The following KCNA6 variants were observed in gnomAD, a reference collection of about 807,000 sequenced individuals.
KCNA6 encodes the protein potassium voltage-gated channel subfamily A member 6.
A neutral mutation model predicts 29.5 loss-of-function variants in KCNA6; 17 were observed. The observed-to-expected ratio is 0.58, with a 90% CI of 0.39 to 0.86. The LOEUF is 0.86. Ranked by LOEUF, KCNA6 falls within the 40% of genes least tolerant of loss-of-function variation. KCNA6 has a pLI of 0.00. For synonymous variants in KCNA6, 296 were observed against 304.7 expected (o/e 0.97, Z 0.30); for missense variants, 450 against 703.4 (o/e 0.64, Z 4.07).
the KCNA6 span, among the ~76,000 whole-genome samples, chr12:4,823,735 C>T: frequency 6.6e-6 from 1 of 152,126 alleles, no homozygotes; most frequent in African/African-American, 2.4e-5. Context: ...CCACTGCACT[C>T]CTGCCTGGGC....
the KCNA6 span, among the ~76,000 whole-genome samples, chr12:4,824,405 G>C: frequency 0.21 from 31,412 of 152,090 alleles, 3,367 homozygotes; most frequent in South Asian, 0.24. Context: ...CATGATTCAG[G>C]TATTAAATCA....
the KCNA6 span, among the ~76,000 whole-genome samples, chr12:4,835,045 C>T: frequency 0.39 from 59,186 of 151,640 alleles, 12,161 homozygotes; most frequent in Middle Eastern, 0.53. Context: ...ACTGTTGGGA[C>T]TGGGAATTTA....
At chr12:4,830,943 G>C in the KCNA6 span, among the ~76,000 whole-genome samples, 1 of 152,196 alleles carries the variant, frequency 6.6e-6, no homozygotes, top group Non-Finnish European at 1.5e-5. Flanking sequence ...GCAGGATATC[G>C]TTCACTTTCC....
the KCNA6 span, among the ~76,000 whole-genome samples, chr12:4,844,405 A>G: frequency 6.6e-6 from 1 of 152,202 alleles, no homozygotes; most frequent in Admixed American, 6.5e-5. This position sits in a 1 kb window ranked among gnomAD's most constrained non-coding sequence, Gnocchi z 4.0. Context: ...GTGTTAAATG[A>G]CGTAGTGGGA....
At chr12:4,843,381 C>T in the KCNA6 span, among the ~76,000 whole-genome samples, 1 of 151,980 alleles carries the variant, frequency 6.6e-6, no homozygotes, top group Non-Finnish European at 1.5e-5. Flanking sequence ...AGGGTTTCAC[C>T]GTGTTAGCCA....
chr12:4,821,417 G>GAT, the KCNA6 span, among the ~76,000 whole-genome samples: 3 of 105,266 alleles, frequency 2.8e-5, no homozygotes, highest in Non-Finnish European at 4.1e-5. Context: ...TACTCACTTG[G>GAT]ATGTGTGTGT....
chr12:4,815,659 A>G (rs1334184615), downstream of KCNA6, among the ~76,000 whole-genome samples: 1 of 152,246 alleles, frequency 6.6e-6, no homozygotes, highest in Non-Finnish European at 1.5e-5. Context: ...GGATGGCTTT[A>G]GAACTGCCCT....
At chr12:4,815,241 T>C (rs1431044374), downstream of KCNA6, among the ~76,000 whole-genome samples, 3 of 152,216 alleles carry the variant, frequency 2.0e-5, no homozygotes, top group African/African-American at 7.2e-5. Flanking sequence ...CACATTGAAC[T>C]GTAGGACAGC....
At chr12:4,842,384 C>G in the KCNA6 span, 1 of 152,158 alleles carries the variant, frequency 6.6e-6, no homozygotes, top group African/African-American at 2.4e-5. Context: ...AGCCTTGGAG[C>G]CACAGGATGA....
At chr12:4,831,659 C>T in the KCNA6 span, among the ~76,000 whole-genome samples, 1 of 152,214 alleles carries the variant, frequency 6.6e-6, no homozygotes, top group Non-Finnish European at 1.5e-5. Flanking sequence ...ACTATGACTA[C>T]TTTATAACAG....
At chr12:4,850,651 T>A in the KCNA6 span, 1 of 349,030 alleles carries the variant, frequency 2.9e-6, no homozygotes, top group Non-Finnish European at 5.9e-6. The surrounding 1 kb of genome is among the most constrained non-coding windows in gnomAD (Gnocchi z 5.4). Context: ...GACACTGGTG[T>A]GTCCAGGTTT....
chr12:4,832,212 A>G, the KCNA6 span, among the ~76,000 whole-genome samples: 2 of 151,912 alleles, frequency 1.3e-5, no homozygotes, highest in South Asian at 4.2e-4. Context: ...TGGGCTTGGG[A>G]AAACTCAGAC....
exon 1 of KCNA6, chr12:4,812,260 G>A (rs1399215734): frequency 1.2e-5 from 2 of 167,624 alleles, no homozygotes; most frequent in Admixed American, 6.5e-5. Context: ...TGGAGGACAC[G>A]GGGTTAGTCC....
downstream of KCNA6, among the ~76,000 whole-genome samples, chr12:4,817,574 G>A (rs1946694286): frequency 6.6e-6 from 1 of 152,194 alleles, no homozygotes; most frequent in Non-Finnish European, 1.5e-5. Flanking sequence ...CCTTTGAAGG[G>A]TTATCAAAGC....
chr12:4,815,859 CT>C (rs1173089456), downstream of KCNA6, among the ~76,000 whole-genome samples: 2 of 152,170 alleles, frequency 1.3e-5, no homozygotes, highest in Admixed American at 6.5e-5. Flanking sequence ...AGAGCATGGG[CT>C]AAGTCCCACC....
At chr12:4,842,915 G>A in the KCNA6 span, among the ~76,000 whole-genome samples, 2 of 152,118 alleles carry the variant, frequency 1.3e-5, no homozygotes, top group Non-Finnish European at 2.9e-5. Flanking sequence ...TAAAACTTGT[G>A]TCCGTGGCCA....
the KCNA6 span, among the ~76,000 whole-genome samples, chr12:4,832,376 T>C: frequency 2.9e-3 from 442 of 152,236 alleles, 3 homozygotes; most frequent in Middle Eastern, 0.024. Flanking sequence ...GCCCACTGGG[T>C]AAGATAAAGT....
At chr12:4,839,137 A>T in the KCNA6 span, 7 of 152,228 alleles carry the variant, frequency 4.6e-5, no homozygotes, top group Non-Finnish European at 1.0e-4. Context: ...AAGCTTAAGG[A>T]AGACTTGGTT....
the KCNA6 span, among the ~76,000 whole-genome samples, chr12:4,836,503 A>G: frequency 6.6e-6 from 1 of 152,164 alleles, no homozygotes; most frequent in African/African-American, 2.4e-5. Context: ...TTCTTAATAA[A>G]AGAAATGGCT....
Sources: allele counts gnomAD v4.1 joint callset (sites outside exome capture counted in the v4.1 genomes callset), GRCh38; gene constraint gnomAD v4.1.1; non-coding constraint Gnocchi (gnomAD v3.1); transcripts MANE v1.5; gene names NCBI Gene and HGNC (gene_info 2026-07-23, HGNC 2026-07-21).